UGT2B4: variants seen among roughly 807,000 people sequenced by gnomAD.
UGT2B4 encodes UDP-glucuronosyltransferase 2B4.
In UGT2B4, 49 loss-of-function variants were observed where a neutral mutation model predicts 49.8. The ratio of observed to expected loss-of-function variants is 0.98; its 90% CI spans 0.78 to 1.25. The LOEUF is 1.25. Among genes scored for constraint, UGT2B4 ranks in the 50% most tolerant of loss-of-function variants. The probability of loss-of-function intolerance (pLI) is 0.00; values close to 1 mark genes in which losing one functional copy is unlikely to be tolerated. For missense variants in UGT2B4, 729 were observed against 627.7 expected, an observed-to-expected ratio of 1.16 and a Z score of -1.73; for synonymous variants, 246 against 217.7, an observed-to-expected ratio of 1.13 and a Z score of -1.14.
chr4:69,492,625 G>A (rs1728023915), intron 2 of UGT2B4, among the ~76,000 whole-genome samples: 1 of 152,018 alleles, frequency 6.6e-6, no homozygotes, highest in Non-Finnish European at 1.5e-5. Context: ...TATCTCAAGT[G>A]ACTTACACAT....
Position 69,480,600 on chromosome 4 carries a change from T to G in UGT2B4, c.*34A>C. On this transcript the variant is annotated 3_prime_UTR_variant, in exon 6 of 6. Coordinates refer to ENST00000305107, the MANE Select transcript of UGT2B4 (RefSeq NM_021139.3). The stretch of plus-strand genomic sequence containing the variant: ...TTGTAATAAACTAAAGGAGTTCATT[T>G]ATTGGGTTTCCCAGCTTCCAGCCTC... The G allele has an allele frequency of 6.2e-7, 1 of 1,601,872 alleles. No homozygotes were observed. Among genetic ancestry groups the G allele is most frequent in the East Asian group, 2.2e-5 (1 of 44,754 alleles).
chr4:69,492,928 A>G (rs1345053982), intron 2 of UGT2B4, among the ~76,000 whole-genome samples: 1 of 152,100 alleles, frequency 6.6e-6, no homozygotes, highest in Non-Finnish European at 1.5e-5. Context: ...AACATCTTGG[A>G]ATCTTTTTTT....
Position 69,485,226 on chromosome 4 carries a change from G to C in UGT2B4, c.1292C>G (p.Thr431Arg). 6.2e-7 allele frequency: 1 copy of C among 1,613,892 alleles called. No individual in the cohort carries two copies. Among genetic ancestry groups the C allele is most frequent in the African/African-American group, 1.3e-5 (1 of 75,012 alleles). The change falls in exon 5 of 6, where the codon ACA becomes AGA. Residue 431 changes from threonine to arginine, a missense_variant. Physicochemically the swap from Thr to Arg is moderately conservative, Grantham distance 71. Transcript: ENST00000305107. ...TACTCACAAAGGATCATTAATTACT[G>C]TCTTCAGTGCATTGAGTAAGTCTGT... ...SSTDLLNALK[T>R]VINDPLYKEN...
At chr4:69,502,939 C>T (rs1407768627) in intron 1 of UGT2B4, among the ~76,000 whole-genome samples, 1 of 151,286 alleles carries the variant, frequency 6.6e-6, no homozygotes, top group African/African-American at 2.4e-5. Flanking sequence ...CGTCTCCATC[C>T]TGGGATGATT....
At chr4:69,521,719 A>G (rs1273873361) in intron 1 of UGT2B4, among the ~76,000 whole-genome samples, 2 of 152,212 alleles carry the variant, frequency 1.3e-5, no homozygotes, top group Non-Finnish European at 2.9e-5. Context: ...TTAGGCAGAA[A>G]GTGCCACCAC....
At chr4:69,485,461 T>C in intron 4 of UGT2B4, 34 bp from the exon 5 acceptor site, 3 of 1,610,906 alleles carry the variant, frequency 1.9e-6, no homozygotes, top group African/African-American at 1.3e-5. Context: ...AAATTATTCA[T>C]AGGAATAAAA....
intron 1 of UGT2B4, among the ~76,000 whole-genome samples, chr4:69,504,250 A>G (rs1479369525): frequency 6.6e-6 from 1 of 152,178 alleles, no homozygotes; most frequent in African/African-American, 2.4e-5. Flanking sequence ...CAGAAGTAAA[A>G]TTCAGAATAT....
At position 69,480,896 on chromosome 4, in the gene UGT2B4, G is replaced by C; in HGVS notation, c.1325C>G (p.Ala442Gly). Residue 442 changes from alanine (A) to glycine (G), a missense_variant, in exon 6 of 6, where the codon GCT becomes GGT. By Grantham distance (60) the Ala-to-Gly change is moderately conservative. Transcript: ENST00000305107. ...ATGATGAATTCTTGATAATTTCATA[G>C]CATTCTCTTTATATCTAAACGATAA... ...VINDPLYKENAMKLSRIHHDQ... is the reference protein window; with the variant it reads ...VINDPLYKENGMKLSRIHHDQ... 6.2e-7 allele frequency: 1 copy of C among 1,613,642 alleles called. No homozygotes were observed. The highest frequency in any genetic ancestry group is 8.5e-7 in the Non-Finnish European group (1 of 1,179,776).
chr4:69,514,027 C>A lies in UGT2B4; in HGVS notation c.-106+11660G>T, dbSNP rs533293766. Among the ~76,000 whole-genome samples the A allele has an allele frequency of 3.5e-4, 53 of 150,902 alleles. 1 individual carries two copies. In the South Asian group the frequency reaches 0.011, roughly 31 times the overall value. ...TTTTTTAATTTTTTTTTATTACTAT[C>A]CCTAATGCCTAGAATGAAATCTGAA... On this transcript the variant is annotated intron_variant, in intron 1 of 1. Transcript: ENST00000510114.
rs114241279 is a variant in UGT2B4, at chr4:69,510,757, A to C, written c.-105-14791T>G. 4.5e-3 allele frequency among the ~76,000 whole-genome samples: 678 copies of C among 152,202 alleles called. 5 individuals are homozygous for C. Among genetic ancestry groups the C allele is most frequent in the African/African-American group, 0.015 (637 of 41,546 alleles). ...GGTTTTTCACATATAATATCATGTC[A>C]TCTTCAAACAGAGGTGATTTTCCTT... On this transcript the variant is annotated intron_variant, in intron 1 of 1. Coordinates refer to the UGT2B4 transcript ENST00000510114.
rs189768496 is a variant in UGT2B4, at chr4:69,521,048, G to A, written c.-106+4639C>T. 2.5e-3 allele frequency among the ~76,000 whole-genome samples: 387 copies of A among 152,268 alleles called. 1 individual carries two copies. The highest frequency in any genetic ancestry group is 8.9e-3 in the African/African-American group (371 of 41,562). ...CCATAAAAACCTCCAGATACAGTCA[G>A]ACTCTAACAGACATTGGGATGACCA... On this transcript the variant is annotated intron_variant, in intron 1 of 1. Coordinates refer to the UGT2B4 transcript ENST00000510114.
intron 1 of UGT2B4, among the ~76,000 whole-genome samples, chr4:69,516,701 G>A (rs530335671): frequency 6.6e-6 from 1 of 152,034 alleles, no homozygotes; most frequent in African/African-American, 2.4e-5. Context: ...CCACCTCTTA[G>A]GTTTAGGGGA....
intron 1 of UGT2B4, among the ~76,000 whole-genome samples, chr4:69,506,614 T>C (rs542582132): frequency 2.0e-5 from 3 of 151,358 alleles, no homozygotes; most frequent in Non-Finnish European, 2.9e-5. Flanking sequence ...TAGGACCAGA[T>C]AGATTCACAG....
At chr4:69,519,343 T>C (rs1728797786) in intron 1 of UGT2B4, among the ~76,000 whole-genome samples, 1 of 152,136 alleles carries the variant, frequency 6.6e-6, no homozygotes, top group Non-Finnish European at 1.5e-5. Flanking sequence ...TGATGAAACA[T>C]GAACTGATTA....
chr4:69,490,268 A>G (rs1229141603), intron 2 of UGT2B4, among the ~76,000 whole-genome samples: 1 of 152,182 alleles, frequency 6.6e-6, no homozygotes, highest in Non-Finnish European at 1.5e-5. Context: ...ACAGAATCGT[A>G]CAGTATGTAG....
At chr4:69,516,862 G>A (rs570546058) in intron 1 of UGT2B4, among the ~76,000 whole-genome samples, 4 of 150,070 alleles carry the variant, frequency 2.7e-5, no homozygotes, top group African/African-American at 7.4e-5. Context: ...CCCGCCTTAC[G>A]CTCCCAAAGG....
rs1728447091 is a variant in UGT2B4, at chr4:69,505,596, A to G, written c.-105-9630T>C. ...TTCTTACAGACCTGCAAAGAGACTT[A>G]GACTCCCACACAATAATAGTGGGAC... On this transcript the variant is annotated intron_variant, in intron 1 of 1. Coordinates refer to the UGT2B4 transcript ENST00000510114. 1.3e-5 allele frequency among the ~76,000 whole-genome samples: 2 copies of G among 152,212 alleles called. 1 individual carries two copies. The highest frequency in any genetic ancestry group is 4.1e-4 in the South Asian group (2 of 4,834).
rs765600755 is a variant in UGT2B4, at chr4:69,525,795, T to C, written c.-214A>G. 447 of 1,148,044 alleles carry C rather than the reference T, an allele frequency of 3.9e-4. 1 individual carries two copies. The highest frequency in any genetic ancestry group is 2.7e-3 in the Admixed American group (99 of 36,870). The allele number at this position is 1,148,044 out of a possible 1,614,324, so 71.1% of individuals were successfully genotyped here. ...ATTTAAACAAGTTGACTAACATTTA[T>C]GTTTATATTAAAGAAAGGGCTCCAG... On this transcript the variant is annotated 5_prime_UTR_variant, in exon 1 of 2. Coordinates refer to the UGT2B4 transcript ENST00000510114.
At chr4:69,482,893 G>A (rs1727643291) in intron 5 of UGT2B4, among the ~76,000 whole-genome samples, 1 of 151,846 alleles carries the variant, frequency 6.6e-6, no homozygotes. Flanking sequence ...TAATGTAGCA[G>A]TTGTTGGTTT....
Sources: gnomAD v4.1 joint callset for allele counts (sites outside exome capture counted in the v4.1 genomes callset) on GRCh38, gnomAD v4.1.1 for gene constraint, MANE v1.5 for transcripts, NCBI Gene and HGNC (gene_info 2026-07-23, HGNC 2026-07-21) for gene names.